Variants in RARS2 observed in about 807,000 individuals in gnomAD.
RARS2 encodes probable arginine--tRNA ligase, mitochondrial.
A neutral mutation model predicts 88.5 loss-of-function variants in RARS2; 67 were observed. The observed-to-expected ratio is 0.76, with a 90% CI of 0.62 to 0.93. The LOEUF is 0.93. Among genes scored for constraint, RARS2 ranks in the 40% least tolerant of loss-of-function variants. RARS2 has a pLI of 0.00. For synonymous variants in RARS2, 239 were observed against 230.3 expected (o/e 1.04, Z -0.34); for missense variants, 664 against 684.2 (o/e 0.97, Z 0.33).
intron 5 of RARS2, 48 bp from the exon 6 acceptor site, chr6:87,548,694 C>T: frequency 6.4e-7 from 1 of 1,554,290 alleles, no homozygotes; most frequent in Non-Finnish European, 8.8e-7. Flanking sequence ...CTTAAGACTT[C>T]TAAGAATCAA....
intron 10 of RARS2, among the ~76,000 whole-genome samples, chr6:87,528,179 C>G (rs1276674987): frequency 7.4e-6 from 1 of 134,692 alleles, no homozygotes; most frequent in African/African-American, 2.8e-5. Flanking sequence ...CAGGGAAATA[C>G]AAAATTAAAA....
intron 10 of RARS2, 138 bp from the exon 11 acceptor site, chr6:87,524,790 C>T: frequency 1.5e-6 from 1 of 674,020 alleles, no homozygotes; most frequent in South Asian, 1.6e-5. Context: ...AAGCTTTAAT[C>T]AACAATGGAA....
chr6:87,561,849 T>C (rs968320568), intron 4 of RARS2, among the ~76,000 whole-genome samples: 2 of 152,218 alleles, frequency 1.3e-5, no homozygotes, highest in Non-Finnish European at 2.9e-5. Flanking sequence ...CTCTTGTCCC[T>C]TCAATGTCAA....
rs1785578849 is a variant in RARS2, at chr6:87,555,444, G to A, written c.359C>T (p.Ser120Phe). 2.5e-6 allele frequency: 4 copies of A among 1,613,984 alleles called. No individual in the cohort carries two copies. The highest frequency in any genetic ancestry group is 3.4e-6 in the Non-Finnish European group (4 of 1,179,920). The change falls in exon 5 of 20, where the codon TCT becomes TTT. Residue 120 changes from serine to phenylalanine, a missense_variant. By Grantham distance (155) the Ser-to-Phe change is radical (BLOSUM62 -2). Coordinates refer to ENST00000369536, the MANE Select transcript of RARS2 (RefSeq NM_020320.5). ...SKYGLKSELF[S>F]GLPQKKIVVE... ...CACAATCTTCTTCTGGGGAAGTCCA[G>A]AGAAAAGTTCACTTTTTAATCCATA...
chr6:87,556,520 A>C (rs150545416), intron 4 of RARS2, among the ~76,000 whole-genome samples: 191 of 152,088 alleles, frequency 1.3e-3, no homozygotes, highest in African/African-American at 3.9e-3. Context: ...GGCACAGTGG[A>C]TCACGCCTGT....
At chr6:87,533,987 T>C (rs1302256191) in intron 8 of RARS2, among the ~76,000 whole-genome samples, 1 of 152,190 alleles carries the variant, frequency 6.6e-6, no homozygotes, top group Non-Finnish European at 1.5e-5. Flanking sequence ...CCACAGACCC[T>C]TTTTTCATAT....
chr6:87,573,799 A>G (rs1387554608), intron 1 of RARS2, among the ~76,000 whole-genome samples: 1 of 152,190 alleles, frequency 6.6e-6, no homozygotes, highest in Non-Finnish European at 1.5e-5. Flanking sequence ...AAAGGAAGGA[A>G]AGTAATTAGA....
At chr6:87,573,230 C>G (rs1365353937) in intron 1 of RARS2, among the ~76,000 whole-genome samples, 2 of 152,098 alleles carry the variant, frequency 1.3e-5, no homozygotes, top group African/African-American at 4.8e-5. Context: ...ACATCTCACA[C>G]GGTGGGAGCA....
intron 4 of RARS2, among the ~76,000 whole-genome samples, chr6:87,562,232 T>C (rs1380573267): frequency 6.6e-6 from 1 of 152,174 alleles, no homozygotes; most frequent in Non-Finnish European, 1.5e-5. Flanking sequence ...TATACAAACC[T>C]AGATGATACA....
At chr6:87,518,607 G>C (rs1562054390) in intron 16 of RARS2, 23 bp downstream of exon 16, 1 of 1,588,620 alleles carries the variant, frequency 6.3e-7, no homozygotes, top group Non-Finnish European at 8.6e-7. Flanking sequence ...GCAGCACAAG[G>C]TTTCCCTGCA....
rs772692869 is a variant in RARS2, at chr6:87,589,948, C to G, written c.10G>C (p.Gly4Arg). The G allele has an allele frequency of 1.2e-6, 2 of 1,614,054 alleles. No individual in the cohort carries two copies. Among genetic ancestry groups the G allele is most frequent in the Non-Finnish European group, 8.5e-7 (1 of 1,180,040 alleles). MAC[G>R]FRRAIACQLS... is the part of the protein sequence containing the mutation. ...TGGCAAGCAATAGCGCGGCGAAAGC[C>G]GCACGCCATGTCCACCTCTACGGAA... Residue 4 changes from glycine to arginine, a missense_variant, in exon 1 of 20, where the codon GGC (glycine) becomes CGC (arginine). Physicochemically the swap from Gly to Arg is moderately radical, Grantham distance 125. Coordinates refer to ENST00000369536, the MANE Select transcript of RARS2 (RefSeq NM_020320.5).
At chr6:87,525,857 G>A (rs1192560412) in intron 10 of RARS2, among the ~76,000 whole-genome samples, 1 of 151,506 alleles carries the variant, frequency 6.6e-6, no homozygotes, top group Admixed American at 6.6e-5. Context: ...AATATCAGTA[G>A]CATTTCTATA....
At chr6:87,529,428 TA>T (rs919724457) in intron 10 of RARS2, 113 bp downstream of exon 10, 1 of 767,614 alleles carries the variant, frequency 1.3e-6, no homozygotes, top group Non-Finnish European at 2.3e-6. Flanking sequence ...AAAAGCACTA[TA>T]AAAAATCCCA....
At chr6:87,518,341 A>G (rs1772511937) in intron 16 of RARS2, 77 bp from the exon 17 acceptor site, 1 of 1,605,716 alleles carries the variant, frequency 6.2e-7, no homozygotes, top group East Asian at 2.2e-5. Context: ...AGTGATGAAC[A>G]TGACCTTATA....
At chr6:87,530,695 C>T (rs1777211190) in intron 9 of RARS2, 89 bp downstream of exon 9, 1 of 1,517,184 alleles carries the variant, frequency 6.6e-7, no homozygotes, top group South Asian at 1.1e-5. Flanking sequence ...ATTTTTAAAA[C>T]ACAAGCTTAA....
intron 4 of RARS2, among the ~76,000 whole-genome samples, chr6:87,558,670 A>T (rs553325203): frequency 6.6e-6 from 1 of 152,318 alleles, no homozygotes; most frequent in South Asian, 2.1e-4. Flanking sequence ...CATTACTCAC[A>T]TGTTTGTGGT....
intron 13 of RARS2, 85 bp from the exon 14 acceptor site, chr6:87,519,792 ACTTTAAC>A: frequency 1.3e-6 from 2 of 1,499,236 alleles, no homozygotes; most frequent in Non-Finnish European, 9.3e-7. Flanking sequence ...AGTGGTTTGA[ACTTTAAC>A]CATCAGAGCA....
intron 3 of RARS2, among the ~76,000 whole-genome samples, chr6:87,563,615 T>C (rs764815394): frequency 6.6e-5 from 10 of 152,228 alleles, no homozygotes; most frequent in African/African-American, 2.2e-4. Flanking sequence ...AATTTATGTT[T>C]AGTAATTCCT....
intron 18 of RARS2, among the ~76,000 whole-genome samples, 172 bp from the exon 19 acceptor site, chr6:87,515,192 G>A (rs941125103): frequency 2.0e-5 from 3 of 152,164 alleles, no homozygotes; most frequent in African/African-American, 7.2e-5. Flanking sequence ...TTTAGATCTT[G>A]GCCCTATTCT....
Sources: allele counts gnomAD v4.1 joint callset (sites outside exome capture counted in the v4.1 genomes callset), GRCh38; gene constraint gnomAD v4.1.1; transcripts MANE v1.5; gene names NCBI Gene and HGNC (gene_info 2026-07-23, HGNC 2026-07-21).